CDH23: variants seen among roughly 807,000 people sequenced by gnomAD.
CDH23 encodes the protein cadherin related 23.
CDH23 carries 189 observed loss-of-function variants against 317.1 expected under a neutral mutation model. The observed-to-expected ratio is 0.60, with a 90% CI of 0.53 to 0.67. The LOEUF is 0.67. CDH23 is among the 30% of genes least tolerant of loss of function. CDH23 has a pLI of 0.00. For synonymous variants in CDH23, 1,839 were observed against 1,876.8 expected, an observed-to-expected ratio of 0.98 and a Z score of 0.52; for missense variants, 4,401 against 4,592.4, an observed-to-expected ratio of 0.96 and a Z score of 1.20.
At chr10:71,766,809 A>G (rs1269287392) in intron 38 of CDH23, among the ~76,000 whole-genome samples, 2 of 152,110 alleles carry the variant, frequency 1.3e-5, no homozygotes, top group Non-Finnish European at 2.9e-5. Context: ...ACAGGCCAGC[A>G]CTGCAGACAG....
chr10:71,667,117 C>T (rs1340681305), intron 14 of CDH23, among the ~76,000 whole-genome samples: 1 of 152,230 alleles, frequency 6.6e-6, no homozygotes, highest in South Asian at 2.1e-4. Flanking sequence ...AGGGCTGCTG[C>T]GGAGGCAGCT....
intron 7 of CDH23, among the ~76,000 whole-genome samples, chr10:71,567,945 G>T (rs1857503711): frequency 6.6e-6 from 1 of 152,230 alleles, no homozygotes. Flanking sequence ...GACCCACATA[G>T]CTGTCAAGGG....
intron 1 of CDH23, among the ~76,000 whole-genome samples, chr10:71,430,811 AC>A (rs1361391967): frequency 1.3e-5 from 2 of 152,150 alleles, no homozygotes; most frequent in African/African-American, 4.8e-5. Context: ...CAGAAAAAAA[AC>A]AAAAAAGAAC....
At chr10:71,469,366 C>T (rs937052039) in intron 3 of CDH23, among the ~76,000 whole-genome samples, 1 of 152,156 alleles carries the variant, frequency 6.6e-6, no homozygotes, top group Non-Finnish European at 1.5e-5. Flanking sequence ...TTGCATTCTC[C>T]AGAACTTTAC....
chr10:71,452,287 C>T (rs1324442743), intron 3 of CDH23, among the ~76,000 whole-genome samples: 2 of 152,138 alleles, frequency 1.3e-5, no homozygotes, highest in Admixed American at 6.5e-5. Context: ...CCTTGGCCAC[C>T]ACCTTCATAC....
intron 48 of CDH23, among the ~76,000 whole-genome samples, chr10:71,796,343 G>A (rs1039107390): frequency 6.6e-6 from 1 of 152,198 alleles, no homozygotes; most frequent in African/African-American, 2.4e-5. Flanking sequence ...TCTCTGATTT[G>A]GGGAGCAGGC....
chr10:71,814,061 T>C (rs1406799782), intron 69 of CDH23, among the ~76,000 whole-genome samples: 2 of 152,222 alleles, frequency 1.3e-5, no homozygotes, highest in Admixed American at 6.5e-5. Context: ...GCTAGTCGAA[T>C]AGCCTCATAC....
rs767480784 is a variant in CDH23 at position 71,806,174 on chromosome 10, T to C, written c.8071T>C (p.Leu2691=). Residue 2691 remains leucine (L), a synonymous_variant, in exon 57 of 70, where the codon TTG becomes CTG. Coordinates refer to ENST00000224721, the MANE Select transcript of CDH23 (RefSeq NM_022124.6). ...RESQAVYSLI[L]VASDLGQPVP... ...TGTGCTCTTCCGCTCCTAGCTCATC[T>C]TGGTGGCCAGCGACCTGGGCCAGCC... 9.0e-6 allele frequency: 14 copies of C among 1,562,850 alleles called. No individual in the cohort carries two copies. Among genetic ancestry groups the C allele is most frequent in the Middle Eastern group, 1.7e-4 (1 of 6,006 alleles).
At chr10:71,547,053 C>T (rs1370309756) in intron 6 of CDH23, among the ~76,000 whole-genome samples, 1 of 152,186 alleles carries the variant, frequency 6.6e-6, no homozygotes, top group Admixed American at 6.5e-5. Context: ...GGCACTGGGC[C>T]GGGCCCTGGG....
chr10:71,424,134 C>T (rs1340078304), intron 1 of CDH23, among the ~76,000 whole-genome samples: 3 of 152,242 alleles, frequency 2.0e-5, no homozygotes, highest in Non-Finnish European at 4.4e-5. Context: ...CTCACTATAT[C>T]CCGCCACGTA....
intron 9 of CDH23, among the ~76,000 whole-genome samples, chr10:71,611,422 G>C (rs76413067): frequency 2.6e-5 from 4 of 152,334 alleles, no homozygotes; most frequent in Non-Finnish European, 5.9e-5. Context: ...GGTTGGCTCA[G>C]TGTCACTGCT....
At position 71,751,566 on chromosome 10, in the gene CDH23, G is replaced by A. The variant is rs570445847; in HGVS notation, c.4845+9645G>A. ...ACCCTCAACCCCACCCCGTGAGGCC[G>A]TGGAACTCTTCAGGGAGGGCAGGGA... On this transcript the variant is annotated intron_variant, in intron 38 of 69. Transcript: ENST00000224721. The surrounding 1 kb of genome is among the most constrained non-coding windows in gnomAD (Gnocchi z 4.9). The A allele has an allele frequency of 1.9e-5, 26 of 1,338,642 alleles. No homozygotes were observed. The highest frequency in any genetic ancestry group is 4.9e-5 in the East Asian group (2 of 40,482). 82.9% of individuals were successfully genotyped at this position (1,338,642 alleles called of 1,614,324 possible).
At chr10:71,629,824 G>A (rs1364917049) in intron 11 of CDH23, among the ~76,000 whole-genome samples, 8 of 152,136 alleles carry the variant, frequency 5.3e-5, no homozygotes, top group Non-Finnish European at 1.0e-4. Context: ...TTGGGGGAGA[G>A]AAATGGGGAG....
At chr10:71,659,326 G>A (rs1403852509) in intron 14 of CDH23, among the ~76,000 whole-genome samples, 1 of 152,210 alleles carries the variant, frequency 6.6e-6, no homozygotes, top group Admixed American at 6.5e-5. Flanking sequence ...AGGGGAGAGA[G>A]GGGAGAGAGT....
chr10:71,776,695 TG>T (rs1840822091), intron 38 of CDH23, among the ~76,000 whole-genome samples: 2 of 152,130 alleles, frequency 1.3e-5, no homozygotes, highest in Admixed American at 1.3e-4. Context: ...CAGTGAAAGC[TG>T]GTGCTATGAA....
intron 43 of CDH23, 108 bp from the exon 44 acceptor site, chr10:71,785,523 C>A: frequency 1.3e-6 from 1 of 745,550 alleles, no homozygotes; most frequent in South Asian, 1.7e-5. Context: ...CCTTCTAGAT[C>A]ATCTCTTAGG....
At chr10:71,607,583 C>T (rs896993232) in intron 9 of CDH23, among the ~76,000 whole-genome samples, 5 of 152,194 alleles carry the variant, frequency 3.3e-5, no homozygotes, top group Admixed American at 3.3e-4. Context: ...ACAGCTGGGA[C>T]TAGCTTGCTC....
intron 9 of CDH23, among the ~76,000 whole-genome samples, chr10:71,614,916 CT>C (rs1861100427): frequency 6.6e-6 from 1 of 152,154 alleles, no homozygotes; most frequent in Non-Finnish European, 1.5e-5. Context: ...TTTGCCAGTA[CT>C]TTAATACATA....
At chr10:71,590,217 T>A (rs1445910817) in intron 9 of CDH23, among the ~76,000 whole-genome samples, 1 of 152,216 alleles carries the variant, frequency 6.6e-6, no homozygotes, top group African/African-American at 2.4e-5. Context: ...ATTTGACCAA[T>A]ATCCTGGAAA....
Sources: gnomAD v4.1 joint callset for allele counts (sites outside exome capture counted in the v4.1 genomes callset) on GRCh38, gnomAD v4.1.1 for gene constraint, Gnocchi (gnomAD v3.1) non-coding constraint, MANE v1.5 for transcripts, NCBI Gene and HGNC (gene_info 2026-07-23, HGNC 2026-07-21) for gene names.